SLC15A5: variants seen among roughly 807,000 people sequenced by gnomAD.
SLC15A5 encodes the protein solute carrier family 15 member 5, also known as Peptide/histidine transporter ENSP00000340402.
In SLC15A5, 58 loss-of-function variants were observed where a neutral mutation model predicts 56.1. That is an observed-to-expected ratio of 1.03 (90% CI 0.84 to 1.29). The LOEUF is 1.29. Ranked by LOEUF, SLC15A5 falls within the 50% of genes most tolerant of loss-of-function variation. The pLI, the probability that SLC15A5 is intolerant of heterozygous loss-of-function variation, is 0.00. For synonymous variants in SLC15A5, 264 were observed against 250.5 expected (o/e 1.05, Z -0.51); for missense variants, 681 against 672.1 (o/e 1.01, Z -0.15).
At chr12:16,257,022 CAAA>C (rs765715835) in intron 3 of SLC15A5, among the ~76,000 whole-genome samples, 24 of 151,662 alleles carry the variant, frequency 1.6e-4, no homozygotes, top group Non-Finnish European at 3.5e-4. Context: ...AACTATAAAA[CAAA>C]AAAACAAATT....
At chr12:16,234,016 G>A (rs113431310) in intron 5 of SLC15A5, among the ~76,000 whole-genome samples, 4 of 152,142 alleles carry the variant, frequency 2.6e-5, no homozygotes, top group Admixed American at 1.3e-4. Flanking sequence ...AAAAGTGTGA[G>A]ACTGAGTAAT....
chr12:16,256,915 T>TA (rs1442874269), intron 3 of SLC15A5, among the ~76,000 whole-genome samples: 1 of 14,056 alleles, frequency 7.1e-5, no homozygotes, highest in Non-Finnish European at 1.9e-4. Context: ...GCATGGGGAA[T>TA]AGATAGATAG....
At chr12:16,260,508 C>A (rs1359075845) in intron 2 of SLC15A5, among the ~76,000 whole-genome samples, 1 of 149,038 alleles carries the variant, frequency 6.7e-6, no homozygotes, top group Non-Finnish European at 1.5e-5. Flanking sequence ...TGGGTAGTTT[C>A]TTTTCCTATC....
At chr12:16,194,782 T>C (rs1353252741) in intron 7 of SLC15A5, among the ~76,000 whole-genome samples, 1 of 152,026 alleles carries the variant, frequency 6.6e-6, no homozygotes, top group African/African-American at 2.4e-5. Flanking sequence ...ATCCTTATAT[T>C]TGTAGTATTT....
intron 1 of SLC15A5, among the ~76,000 whole-genome samples, chr12:16,276,753 A>G (rs144234654): frequency 6.1e-4 from 93 of 152,140 alleles, no homozygotes; most frequent in African/African-American, 2.1e-3. Flanking sequence ...ACTTTTGCAG[A>G]TATATATTAG....
chr12:16,277,502 A>G lies in SLC15A5; in HGVS notation c.184T>C (p.Cys62Arg), dbSNP rs1232067761. 2 of 1,536,464 alleles carry G rather than the reference A, an allele frequency of 1.3e-6. No individual in the cohort carries two copies. Among genetic ancestry groups the G allele is most frequent in the East Asian group, 2.4e-5 (1 of 40,904 alleles). Residue 62 changes from cysteine (C) to arginine (R), a missense_variant, in exon 1 of 9, where the codon TGC becomes CGC. By Grantham distance (180) the Cys-to-Arg change is radical. Coordinates refer to ENST00000344941, the MANE Select transcript of SLC15A5 (RefSeq NM_001170798.1). The stretch of plus-strand genomic sequence containing the variant: ...ATAGTGCAAAAGGGGATCATGTTGC[A>G]GACGACTTCAAAGAACGTGAACCTC... Reference protein sequence around the residue: ...CERFTFFEVVCNMIPFCTIKL... With the variant: ...CERFTFFEVVRNMIPFCTIKL...
In SLC15A5 at chr12:16,243,798, A is replaced by G. The variant is rs1248344304; in HGVS notation, c.975+782T>C. Among the ~76,000 whole-genome samples, 4 of 152,192 alleles carry G rather than the reference A, an allele frequency of 2.6e-5. No individual in the cohort carries two copies. Among genetic ancestry groups the G allele is most frequent in the African/African-American group, 9.7e-5 (4 of 41,442 alleles). ...TTTTCTGAGCCTAAGGTTCCTGTTT[A>G]ACAAATAAAGTAGTTTATGAAGTTA... On this transcript the variant is annotated intron_variant, in intron 4 of 8. Coordinates refer to ENST00000344941, the MANE Select transcript of SLC15A5 (RefSeq NM_001170798.1). This position sits in a 1 kb window ranked among gnomAD's most constrained non-coding sequence, Gnocchi z 4.4.
In SLC15A5 at chr12:16,235,338, A is replaced by ATATATGTATATGTATATG. The variant is rs1864342821; in HGVS notation, c.1162+4342_1162+4343insCATATACATATACATATA. ...TATATATGTATATGTATATGTACAT[A>ATATATGTATATGTATATG]TATATGACCTTCTATCTTTTGTTTC... On this transcript the variant is annotated intron_variant, in intron 5 of 8. Transcript: ENST00000344941. The surrounding 1 kb of genome is among the most constrained non-coding windows in gnomAD (Gnocchi z 4.1). 1.3e-5 allele frequency among the ~76,000 whole-genome samples: 2 copies of ATATATGTATATGTATATG among 150,348 alleles called. No homozygotes were observed. The highest frequency in any genetic ancestry group is 6.7e-5 in the Admixed American group (1 of 15,016).
chr12:16,265,669 G>A (rs1009054156), intron 2 of SLC15A5, among the ~76,000 whole-genome samples: 1 of 151,944 alleles, frequency 6.6e-6, no homozygotes, highest in African/African-American at 2.4e-5. Flanking sequence ...TTTTTGTAGA[G>A]ATGGGGTTTT....
At chr12:16,222,559 A>G (rs1218657779) in intron 6 of SLC15A5, among the ~76,000 whole-genome samples, 2 of 152,212 alleles carry the variant, frequency 1.3e-5, no homozygotes, top group Non-Finnish European at 2.9e-5. Flanking sequence ...GTAATGGAAA[A>G]GCTAGATATC....
At chr12:16,239,648 A>G (rs1864391729) in intron 5 of SLC15A5, 33 bp downstream of exon 5, 1 of 1,523,004 alleles carries the variant, frequency 6.6e-7, no homozygotes, top group Non-Finnish European at 8.8e-7. Flanking sequence ...AAAGTTTCAA[A>G]CGATTCGCAT....
At chr12:16,246,139 T>G (rs540960183) in intron 3 of SLC15A5, among the ~76,000 whole-genome samples, 5 of 152,270 alleles carry the variant, frequency 3.3e-5, no homozygotes, top group Admixed American at 2.0e-4. Context: ...GTTTAGGTCA[T>G]CTGGGAGTAT....
chr12:16,189,938 A>G (rs1863825067), intron 8 of SLC15A5, 123 bp from the exon 9 acceptor site: 2 of 713,478 alleles, frequency 2.8e-6, no homozygotes, highest in African/African-American at 1.8e-5. Context: ...CACAACAGTG[A>G]CGATTATTTA....
chr12:16,249,099 A>T lies in SLC15A5; in HGVS notation c.755-4299T>A, dbSNP rs576056474. On this transcript the variant is annotated intron_variant, in intron 3 of 8. Coordinates refer to ENST00000344941, the MANE Select transcript of SLC15A5 (RefSeq NM_001170798.1). ...ATATCTATGCTACTTAATTATAATT[A>T]AAAAAAAGCCTACATTGCACTCTAG... Among the ~76,000 whole-genome samples the T allele has an allele frequency of 1.4e-3, 217 of 151,564 alleles. 1 individual carries two copies. Among genetic ancestry groups the T allele is most frequent in the African/African-American group, 2.9e-3 (119 of 41,080 alleles).
chr12:16,226,000 A>C (rs940403047), intron 5 of SLC15A5, among the ~76,000 whole-genome samples: 1 of 152,216 alleles, frequency 6.6e-6, no homozygotes, highest in African/African-American at 2.4e-5. Context: ...CTCAGCTCCA[A>C]GGTGGAGTTA....
intron 7 of SLC15A5, among the ~76,000 whole-genome samples, chr12:16,212,883 T>G (rs944929925): frequency 1.3e-5 from 2 of 152,152 alleles, no homozygotes; most frequent in Non-Finnish European, 2.9e-5. Context: ...AAAAATAAAG[T>G]GCTGCATCTA....
chr12:16,216,935 T>TG lies in SLC15A5; in HGVS notation c.1440dup (p.Thr481HisfsTer54). ...ACCAACTTCACCAGCAGTGCCCCTG[T>TG]GAAACAGCCAAATCCATTGAACAGT... On this transcript the variant is annotated frameshift_variant, in exon 7 of 9. Coordinates refer to ENST00000344941, the MANE Select transcript of SLC15A5 (RefSeq NM_001170798.1). LOFTEE classifies it high-confidence loss of function. 1 of 1,536,902 alleles carries TG rather than the reference T, an allele frequency of 6.5e-7. No individual in the cohort carries two copies. Among genetic ancestry groups the TG allele is most frequent in the Non-Finnish European group, 8.7e-7 (1 of 1,146,666 alleles).
intron 7 of SLC15A5, 60 bp from the exon 8 acceptor site, chr12:16,194,513 T>C: frequency 8.6e-7 from 1 of 1,166,270 alleles, no homozygotes; most frequent in Non-Finnish European, 1.2e-6. Context: ...TGTGAATATT[T>C]TATCATTCCA....
At position 16,257,198 on chromosome 12, in the gene SLC15A5, AT is replaced by A. The variant is rs1246940144; in HGVS notation, c.754+502del. ...TTCAAATGGAATTTAACTTTTATGT[AT>A]GCATACACCTACATAATATATTACA... On this transcript the variant is annotated intron_variant, in intron 3 of 8. Coordinates refer to ENST00000344941, the MANE Select transcript of SLC15A5 (RefSeq NM_001170798.1). Among the ~76,000 whole-genome samples, 5 of 152,252 alleles carry A rather than the reference AT, an allele frequency of 3.3e-5. No individual in the cohort carries two copies. The East Asian group carries it at 9.6e-4, about 29-fold the overall frequency.
Sources: gnomAD v4.1 joint callset for allele counts (sites outside exome capture counted in the v4.1 genomes callset) on GRCh38, gnomAD v4.1.1 for gene constraint, Gnocchi (gnomAD v3.1) non-coding constraint, MANE v1.5 for transcripts, NCBI Gene and HGNC (gene_info 2026-07-23, HGNC 2026-07-21) for gene names.